The following PEX11B variants were observed in gnomAD, a reference collection of about 807,000 sequenced individuals.
PEX11B encodes the protein peroxisomal biogenesis factor 11 beta.
In PEX11B, 18 loss-of-function variants were observed where a neutral mutation model predicts 28.2. The observed-to-expected ratio is 0.64, with a 90% CI of 0.44 to 0.95. The LOEUF is 0.95. Among genes scored for constraint, PEX11B ranks in the 40% least tolerant of loss-of-function variants. The pLI, the probability that PEX11B is intolerant of heterozygous loss-of-function variation, is 0.00. For synonymous variants in PEX11B, 128 were observed against 128.7 expected (o/e 0.99, Z 0.04); for missense variants, 305 against 319.8 (o/e 0.95, Z 0.35).
chr1:145,912,198 A>T lies in PEX11B; in HGVS notation c.743T>A (p.Leu248His). The stretch of plus-strand genomic sequence containing the variant: ...TCGTAGCCAGGGATAGATTAGGGTG[A>T]GAATAGACAGGATGGAGGACACGAG... ...CGLVSSILSI[L>H]TLIYPWLRLK... The change falls in exon 4 of 4, where the codon CTC (leucine) becomes CAC (histidine). Residue 248 changes from leucine (L) to histidine (H), a missense_variant. Physicochemically the swap from Leu to His is moderately conservative, Grantham distance 99 (BLOSUM62 -3). Transcript: ENST00000369306. 1 of 1,613,208 alleles carries T rather than the reference A, an allele frequency of 6.2e-7. No homozygotes were observed.
rs114070989 is a variant in PEX11B at position 145,916,646 on chromosome 1, T to C, written c.374+171A>G. ...TGGAAGAGCATCTGTCTTCCATCTC[T>C]CCCCATTTGATATTCTCCGATAGTT... is the stretch of plus-strand genomic sequence containing the variant. On this transcript the variant is annotated intron_variant, in intron 3 of 3. Transcript: ENST00000369306. 0.015 allele frequency among the ~76,000 whole-genome samples: 2,261 copies of C among 152,266 alleles called. 52 individuals are homozygous for C. Among genetic ancestry groups the C allele is most frequent in the African/African-American group, 0.05 (2,062 of 41,528 alleles).
Position 145,912,188 on chromosome 1 carries a change from G to C in PEX11B, c.753C>G (p.Ile251Met). ...AGGGCTTGAGTCGTAGCCAGGGATA[G>C]ATTAGGGTGAGAATAGACAGGATGG... ...VSSILSILTLIYPWLRLKP is the reference protein window; with the variant it reads ...VSSILSILTLMYPWLRLKP Residue 251 changes from isoleucine (I) to methionine (M), a missense_variant, in exon 4 of 4, where the codon ATC (isoleucine) becomes ATG (methionine). Ile to Met is a conservative substitution (Grantham distance 10). Coordinates refer to ENST00000369306, the MANE Select transcript of PEX11B (RefSeq NM_003846.3). 6.2e-7 allele frequency: 1 copy of C among 1,611,592 alleles called. No individual in the cohort carries two copies. Among genetic ancestry groups the C allele is most frequent in the Non-Finnish European group, 8.5e-7 (1 of 1,178,588 alleles).
chr1:145,912,530 A>G lies in PEX11B; in HGVS notation c.411T>C (p.Arg137=), dbSNP rs1181671144. 2 of 1,493,158 alleles carry G rather than the reference A, an allele frequency of 1.3e-6. No individual in the cohort carries two copies. The highest frequency in any genetic ancestry group is 8.9e-7 in the Non-Finnish European group (1 of 1,121,114). 92.5% of individuals were successfully genotyped at this position (1,493,158 alleles called of 1,614,324 possible). ...TCAGTAGGCGAATCTCATAAGCATC[A>G]CGGCTCAAATTCATGATGAGGGAAA... ...YLFSLIMNLS[R]DAYEIRLLME... Residue 137 remains arginine (R), a synonymous_variant, in exon 4 of 4, where the codon CGT becomes CGC. Coordinates refer to ENST00000369306, the MANE Select transcript of PEX11B (RefSeq NM_003846.3).
rs782572491 is a variant in PEX11B at position 145,917,776 on chromosome 1, G to A, written c.97C>T (p.Gln33Ter). The A allele has an allele frequency of 1.2e-6, 2 of 1,613,654 alleles. No homozygotes were observed. The highest frequency in any genetic ancestry group is 1.7e-6 in the Non-Finnish European group (2 of 1,179,538). ...YACSLLGHAL[Q>*]RHGASPELQK... ...AACTCAGGACTGGCTCCATGCCTCT[G>A]CAGCGCATGGCCAAGAAGAGAGCAA... Residue 33 changes from glutamine (Q) to a stop codon, truncating the protein, a stop_gained, in exon 2 of 4, where the codon CAG (glutamine) becomes TAG (stop). Coordinates refer to ENST00000369306, the MANE Select transcript of PEX11B (RefSeq NM_003846.3). LOFTEE classifies it high-confidence loss of function.
At chr1:145,918,375 G>T in intron 1 of PEX11B, 1 of 1,534,396 alleles carries the variant, frequency 6.5e-7, no homozygotes, top group Non-Finnish European at 8.7e-7. Flanking sequence ...TGAGGACACT[G>T]TCGGTCTTAT....
intron 2 of PEX11B, 129 bp from the exon 3 acceptor site, chr1:145,917,147 C>G (rs587713539): frequency 1.5e-6 from 1 of 664,142 alleles, no homozygotes; most frequent in East Asian, 2.7e-5. Context: ...AGAGCAGAAA[C>G]AGGCTGGGCA....
intron 1 of PEX11B, 104 bp downstream of exon 1, chr1:145,918,529 T>C: frequency 1.3e-6 from 2 of 1,542,618 alleles, no homozygotes; most frequent in Non-Finnish European, 1.7e-6. Context: ...TAGCCGGAGT[T>C]GACCCTTCTT....
chr1:145,916,347 G>A (rs1347079870), intron 3 of PEX11B, among the ~76,000 whole-genome samples: 1 of 152,110 alleles, frequency 6.6e-6, no homozygotes. Flanking sequence ...AGCTCCCCTT[G>A]TGATATTCTT....
chr1:145,912,465 C>T lies in PEX11B; in HGVS notation c.476G>A (p.Gly159Asp), dbSNP rs782623508. The change falls in exon 4 of 4, where the codon GGT becomes GAT. Residue 159 changes from glycine (G) to aspartate (D), a missense_variant. Transcript: ENST00000369306. The part of the protein sequence containing the change: ...ESSACSRRLK[G>D]SGGGVPGGSE... ...TCCTCCTGGGACTCCTCCTCCAGAA[C>T]CTTTCAGTCGCCGGCTACAAGCAGA... 2.6e-6 allele frequency: 4 copies of T among 1,520,718 alleles called. No individual in the cohort carries two copies. Among genetic ancestry groups the T allele is most frequent in the Non-Finnish European group, 8.8e-7 (1 of 1,134,472 alleles). 94.2% of individuals were successfully genotyped at this position (1,520,718 alleles called of 1,614,324 possible).
intron 3 of PEX11B, among the ~76,000 whole-genome samples, chr1:145,915,730 T>C (rs934283856): frequency 1.4e-4 from 21 of 149,912 alleles, no homozygotes; most frequent in African/African-American, 5.2e-4. Flanking sequence ...GCCTCCCGGG[T>C]TCAAGCGAGT....
chr1:145,916,829 T>C lies in PEX11B; in HGVS notation c.362A>G (p.Gln121Arg), dbSNP rs1553753961. 4 of 1,613,414 alleles carry C rather than the reference T, an allele frequency of 2.5e-6. No individual in the cohort carries two copies. Among genetic ancestry groups the C allele is most frequent in the South Asian group, 1.1e-5 (1 of 91,066 alleles). The change falls in exon 3 of 4, where the codon CAG (glutamine) becomes CGG (arginine). Residue 121 changes from glutamine (Q) to arginine (R), a missense_variant. Transcript: ENST00000369306. ...APRVDQEKWA[Q>R]RSFRYYLFSL... ...CAGGATATCAAACCTGAATGAACGCTGGGCCCACTTCTCCTGATCCACACG... is the reference window on the plus strand; with the variant it reads ...CAGGATATCAAACCTGAATGAACGCCGGGCCCACTTCTCCTGATCCACACG...
At chr1:145,917,637 A>G (rs1366000092) in intron 2 of PEX11B, 64 bp downstream of exon 2, 2 of 922,352 alleles carry the variant, frequency 2.2e-6, no homozygotes, top group Non-Finnish European at 3.6e-6. Context: ...AAGGAGGGAC[A>G]AAGGAAGGTG....
At chr1:145,915,918 CCACTG>C (rs782302109) in intron 3 of PEX11B, among the ~76,000 whole-genome samples, 45 of 152,182 alleles carry the variant, frequency 3.0e-4, no homozygotes, top group Non-Finnish European at 5.0e-4. Flanking sequence ...CAGGCGTGAG[CCACTG>C]CGCCCGGCCT....
At position 145,916,995 on chromosome 1, in the gene PEX11B, C is replaced by G; in HGVS notation, c.196G>C (p.Asp66His). The G allele has an allele frequency of 1.2e-6, 2 of 1,612,992 alleles. No homozygotes were observed. Among genetic ancestry groups the G allele is most frequent in the Non-Finnish European group, 1.7e-6 (2 of 1,178,956 alleles). Residue 66 changes from aspartate (D) to histidine (H), a missense_variant, in exon 3 of 4, where the codon GAT becomes CAT. Physicochemically the swap from Asp to His is moderately conservative, Grantham distance 81 (BLOSUM62 -1). Transcript: ENST00000369306. ...GCTCTTTTGGCTGACTCAAGGGCATCTGCTGAGTTACCCAGGCGTAGAACT... is the reference window on the plus strand; with the variant it reads ...GCTCTTTTGGCTGACTCAAGGGCATGTGCTGAGTTACCCAGGCGTAGAACT... The part of the protein sequence containing the change: ...RKLLRLGNSA[D>H]ALESAKRAVH...
At chr1:145,916,278 G>C (rs1553753891) in intron 3 of PEX11B, among the ~76,000 whole-genome samples, 1 of 152,158 alleles carries the variant, frequency 6.6e-6, no homozygotes, top group East Asian at 1.9e-4. Flanking sequence ...TCAGACATCA[G>C]GTCTGAGCTA....
chr1:145,915,614 ATTTTCTTTTC>A (rs1198825710), intron 3 of PEX11B, among the ~76,000 whole-genome samples: 4 of 137,068 alleles, frequency 2.9e-5, no homozygotes, highest in Middle Eastern at 3.5e-3. Context: ...ACTGCAATCC[ATTTTCTTTTC>A]TTTTCTTTTC....
intron 3 of PEX11B, among the ~76,000 whole-genome samples, chr1:145,914,142 G>A (rs976752281): frequency 2.0e-5 from 3 of 152,184 alleles, no homozygotes; most frequent in Non-Finnish European, 4.4e-5. Flanking sequence ...TCGGGAGGTG[G>A]AGGCAAGTGG....
intron 3 of PEX11B, 89 bp from the exon 4 acceptor site, chr1:145,912,655 C>A (rs587603698): frequency 1.1e-6 from 1 of 879,916 alleles, no homozygotes; most frequent in Non-Finnish European, 1.6e-6. Context: ...TTTCCTGTAG[C>A]AAAGAGATTA....
rs782786772 is a variant in PEX11B at position 145,917,052 on chromosome 1, G to GT, written c.173-35dup. Reference sequence around the variant, plus strand: ...GATTAGAAAGGGAAAGCAAGGATTTGTAAGTGGAGAGGCAGATAACAAGAA... The same window carrying GT: ...GATTAGAAAGGGAAAGCAAGGATTTGTTAAGTGGAGAGGCAGATAACAAGAA... On this transcript the variant is annotated intron_variant, in intron 2 of 3. Transcript: ENST00000369306. 4.4e-6 allele frequency: 6 copies of GT among 1,365,822 alleles called. No homozygotes were observed. In the African/African-American group the frequency reaches 5.7e-5, roughly 13 times the overall value. The allele number at this position is 1,365,822 out of a possible 1,614,324, so 84.6% of individuals were successfully genotyped here. A position where few individuals can be genotyped will look rare whatever the true frequency, so the allele number is the denominator to read the frequency against.
Sources: gnomAD v4.1 joint callset for allele counts (sites outside exome capture counted in the v4.1 genomes callset) on GRCh38, gnomAD v4.1.1 for gene constraint, MANE v1.5 for transcripts, NCBI Gene and HGNC (gene_info 2026-07-23, HGNC 2026-07-21) for gene names.